DLC1: variants seen among roughly 807,000 people sequenced by gnomAD.
DLC1 encodes the protein rho GTPase-activating protein 7.
Under a neutral mutation model 140.3 loss-of-function variants are expected in DLC1, and 54 were observed. The observed-to-expected ratio is 0.38, with a 90% CI of 0.31 to 0.48. The LOEUF (loss-of-function observed/expected upper bound fraction) is 0.48. Among genes scored for constraint, DLC1 ranks in the 20% least tolerant of loss-of-function variants. The probability of loss-of-function intolerance (pLI) is 0.96; values close to 1 mark genes in which losing one functional copy is unlikely to be tolerated. For missense variants in DLC1, 2,536 were observed against 1,907.0 expected (o/e 1.33, Z -6.14); for synonymous variants, 986 against 728.1 (o/e 1.35, Z -5.70).
intron 2 of DLC1, among the ~76,000 whole-genome samples, chr8:13,438,039 A>G: frequency 6.7e-6 from 1 of 149,188 alleles, no homozygotes; most frequent in East Asian, 1.9e-4. Context: ...TTTTTTTTAC[A>G]GTACCATACT....
intron 2 of DLC1, among the ~76,000 whole-genome samples, chr8:13,487,644 G>C (rs1801032440): frequency 6.6e-6 from 1 of 151,738 alleles, no homozygotes; most frequent in Non-Finnish European, 1.5e-5. Flanking sequence ...CGTGAGTTCG[G>C]CTCACTGCAA....
chr8:13,506,417 A>G (rs1161868682), intron 1 of DLC1, among the ~76,000 whole-genome samples: 1 of 151,446 alleles, frequency 6.6e-6, no homozygotes, highest in Non-Finnish European at 1.5e-5. Context: ...TTCTTTTCTT[A>G]CTTCTTCCTT....
At chr8:13,091,010 GTT>G (rs1265588577) in intron 14 of DLC1, among the ~76,000 whole-genome samples, 1 of 151,634 alleles carries the variant, frequency 6.6e-6, no homozygotes, top group East Asian at 1.9e-4. Context: ...GTCTCACCAT[GTT>G]GCCCGGGTTG....
At chr8:13,370,097 C>G (rs920144335) in intron 4 of DLC1, among the ~76,000 whole-genome samples, 1 of 150,958 alleles carries the variant, frequency 6.6e-6, no homozygotes, top group African/African-American at 2.4e-5. Flanking sequence ...TCACTTCCTT[C>G]CAAACTTTAC....
At position 13,526,447 on chromosome 8, in the gene DLC1, T is replaced by C. The variant is rs567565096; in HGVS notation, c.-125-26251A>G. Among the ~76,000 whole-genome samples, 14 of 152,294 alleles carry C rather than the reference T, an allele frequency of 9.2e-5. 1 individual carries two copies. The South Asian group carries it at 2.9e-3, about 32-fold the overall frequency. ...TCTTCTATTCCATGAGCATAATGTA[T>C]TTTCTTTTATTTAGTTTTCTAGTTT... On this transcript the variant is annotated intron_variant, in intron 1 of 1. Transcript: ENST00000631382.
At chr8:13,236,363 G>A (rs1326907005) in intron 5 of DLC1, among the ~76,000 whole-genome samples, 2 of 152,094 alleles carry the variant, frequency 1.3e-5, no homozygotes, top group South Asian at 2.1e-4. Flanking sequence ...TAGCGCTATT[G>A]TACTTTAAGT....
chr8:13,270,997 A>G (rs941085092), intron 5 of DLC1, among the ~76,000 whole-genome samples: 10 of 152,330 alleles, frequency 6.6e-5, no homozygotes, highest in Admixed American at 2.0e-4. Context: ...ACCCAGTGCA[A>G]GAACCAGGAC....
chr8:13,263,126 T>A (rs1459696525), intron 5 of DLC1, among the ~76,000 whole-genome samples: 1 of 152,186 alleles, frequency 6.6e-6, no homozygotes, highest in Non-Finnish European at 1.5e-5. Flanking sequence ...TCAATGACAT[T>A]CAAGTAGTGG....
intron 5 of DLC1, among the ~76,000 whole-genome samples, chr8:13,124,331 G>A (rs901928959): frequency 2.6e-5 from 4 of 152,204 alleles, no homozygotes; most frequent in Admixed American, 2.0e-4. Context: ...CTGGATTGCA[G>A]GAGAGGGGAT....
chr8:13,541,741 G>T (rs1300243732), intron 1 of DLC1, among the ~76,000 whole-genome samples: 1 of 152,086 alleles, frequency 6.6e-6, no homozygotes, highest in Non-Finnish European at 1.5e-5. Context: ...AGTAGAGATG[G>T]GGTTTCACCG....
intron 1 of DLC1, among the ~76,000 whole-genome samples, chr8:13,538,010 A>C (rs2117323420): frequency 6.6e-6 from 1 of 152,304 alleles, no homozygotes; most frequent in African/African-American, 2.4e-5. Context: ...TAAGCAAATT[A>C]CATCCATTAC....
At chr8:13,525,062 A>G (rs891283063) in intron 1 of DLC1, among the ~76,000 whole-genome samples, 1 of 151,974 alleles carries the variant, frequency 6.6e-6, no homozygotes, top group Non-Finnish European at 1.5e-5. Flanking sequence ...ATTGGTTTAA[A>G]TTTTCTAGAA....
At position 13,090,391 on chromosome 8, in the gene DLC1, T is replaced by A; in HGVS notation, c.3935A>T (p.His1312Leu). Residue 1312 changes from histidine to leucine, a missense_variant, in exon 15 of 18, where the codon CAC becomes CTC. Coordinates refer to ENST00000276297, the MANE Select transcript of DLC1 (RefSeq NM_182643.3). ...LKPLTLEALG[H>L]LGNDDSADYQ... ...GTCAGCTGAGTCATCATTACCCAGG[T>A]GCCCGAGTGCTTCCAGAGTGAGGGG... 6.2e-7 allele frequency: 1 copy of A among 1,614,208 alleles called. No individual in the cohort carries two copies. Among genetic ancestry groups the A allele is most frequent in the Non-Finnish European group, 8.5e-7 (1 of 1,180,040 alleles).
chr8:13,394,383 A>G (rs1563310928), intron 3 of DLC1, among the ~76,000 whole-genome samples: 1 of 152,214 alleles, frequency 6.6e-6, no homozygotes. Flanking sequence ...AGCTACTCCA[A>G]TAAATATTGT....
chr8:13,251,667 G>A (rs907904265), intron 5 of DLC1, among the ~76,000 whole-genome samples: 3 of 151,848 alleles, frequency 2.0e-5, no homozygotes, highest in Admixed American at 1.3e-4. Context: ...TCAGCTGTGG[G>A]GTCATGGAAA....
chr8:13,325,072 T>C (rs1182901231), intron 4 of DLC1, among the ~76,000 whole-genome samples: 1 of 152,240 alleles, frequency 6.6e-6, no homozygotes, highest in East Asian at 1.9e-4. Context: ...ATAACAAAGG[T>C]ACTGGAGGTA....
chr8:13,338,285 T>C (rs1306320916), intron 4 of DLC1, among the ~76,000 whole-genome samples: 1 of 152,108 alleles, frequency 6.6e-6, no homozygotes, highest in Non-Finnish European at 1.5e-5. Context: ...AAAAATAAAT[T>C]AGAGTCACAA....
At chr8:13,173,368 CT>C (rs35778236) in intron 5 of DLC1, among the ~76,000 whole-genome samples, 9,153 of 103,204 alleles carry the variant, frequency 0.089, 226 homozygotes, top group African/African-American at 0.24. Context: ...GTTCTGCCCT[CT>C]TTTTTTTTTT....
Position 13,286,670 on chromosome 8 carries a change from A to G in DLC1, c.1348+18599T>C, listed in dbSNP as rs549509618. On this transcript the variant is annotated intron_variant, in intron 5 of 17. Transcript: ENST00000276297. The stretch of plus-strand genomic sequence containing the variant: ...TAGCAGCAAAAGAATGTAAATTTTC[A>G]CAGTCTCTCTGATAGCCAAAAACCT... 3.3e-5 allele frequency among the ~76,000 whole-genome samples: 5 copies of G among 151,960 alleles called. No individual in the cohort carries two copies. The South Asian group carries it at 1.0e-3, about 32-fold the overall frequency.
Sources: gnomAD v4.1 joint callset for allele counts (sites outside exome capture counted in the v4.1 genomes callset) on GRCh38, gnomAD v4.1.1 for gene constraint, MANE v1.5 for transcripts, NCBI Gene and HGNC (gene_info 2026-07-23, HGNC 2026-07-21) for gene names.